MAML2: variants seen among roughly 807,000 people sequenced by gnomAD.
MAML2 encodes mastermind like transcriptional coactivator 2.
In MAML2, 22 loss-of-function variants were observed where a neutral mutation model predicts 96.1. The observed-to-expected ratio is 0.23, with a 90% CI of 0.16 to 0.33. The LOEUF (loss-of-function observed/expected upper bound fraction) is 0.33. Ranked by LOEUF, MAML2 falls within the 10% of genes least tolerant of loss-of-function variation. The pLI is 1.00. For synonymous variants in MAML2, 561 were observed against 521.3 expected, an observed-to-expected ratio of 1.08 and a Z score of -1.04; for missense variants, 1,367 against 1,392.4, an observed-to-expected ratio of 0.98 and a Z score of 0.29.
chr11:96,281,747 G>A (rs574691771), intron 1 of MAML2, among the ~76,000 whole-genome samples: 61 of 152,172 alleles, frequency 4.0e-4, no homozygotes, highest in African/African-American at 1.4e-3. Flanking sequence ...GCATGCACCT[G>A]TAATCCCAGC....
intron 2 of MAML2, among the ~76,000 whole-genome samples, chr11:96,026,568 G>A (rs1366389811): frequency 6.6e-6 from 1 of 152,118 alleles, no homozygotes; most frequent in Non-Finnish European, 1.5e-5. Context: ...GCAAGGGAGA[G>A]GGCTGTAAAT....
intron 2 of MAML2, among the ~76,000 whole-genome samples, chr11:96,037,188 T>TAA (rs200993531): frequency 3.7e-4 from 55 of 148,388 alleles, no homozygotes; most frequent in South Asian, 1.1e-3. Flanking sequence ...AAATAAAAAA[T>TAA]AAAAAAACAA....
At chr11:96,031,861 CTG>C (rs1858620870) in intron 2 of MAML2, among the ~76,000 whole-genome samples, 1 of 152,072 alleles carries the variant, frequency 6.6e-6, no homozygotes, top group South Asian at 2.1e-4. Context: ...TGGTGGACAC[CTG>C]TAGTCCCAGC....
intron 4 of MAML2, among the ~76,000 whole-genome samples, chr11:95,981,887 G>GGCCTGT: frequency 6.6e-6 from 1 of 152,272 alleles, no homozygotes; most frequent in Non-Finnish European, 1.5e-5. Context: ...GTATTTTAAT[G>GGCCTGT]ATATGGCCTG....
intron 1 of MAML2, among the ~76,000 whole-genome samples, chr11:96,110,852 T>C (rs1286560001): frequency 6.6e-6 from 1 of 152,226 alleles, no homozygotes; most frequent in Non-Finnish European, 1.5e-5. Context: ...CTATTTGATC[T>C]TGATAACCAA....
chr11:96,318,110 A>G (rs1292126310), intron 1 of MAML2, among the ~76,000 whole-genome samples: 1 of 152,218 alleles, frequency 6.6e-6, no homozygotes, highest in Non-Finnish European at 1.5e-5. Flanking sequence ...AACTTTTGGC[A>G]ATGAGTCAGT....
intron 1 of MAML2, among the ~76,000 whole-genome samples, chr11:96,292,516 C>A (rs146789509): frequency 1.3e-5 from 2 of 152,192 alleles, no homozygotes; most frequent in East Asian, 1.9e-4. Flanking sequence ...TCTTGCCCAA[C>A]CTTAAAATTA....
Position 95,979,846 on chromosome 11 carries a change from G to T in MAML2, c.2573C>A (p.Pro858Gln), listed in dbSNP as rs1222519467. 6.2e-7 allele frequency: 1 copy of T among 1,613,934 alleles called. No individual in the cohort carries two copies. Among genetic ancestry groups the T allele is most frequent in the Non-Finnish European group, 8.5e-7 (1 of 1,179,860 alleles). Residue 858 changes from proline (P) to glutamine (Q), a missense_variant, in exon 5 of 5, where the codon CCA (proline) becomes CAA (glutamine). Transcript: ENST00000524717. Reference protein sequence around the residue: ...LLSTSHGTRMPSLSTAVQNMG... With the variant: ...LLSTSHGTRMQSLSTAVQNMG... ...ATTCTGAACTGCTGTAGATAATGAT[G>T]GCATTCTTGTCCCGTGAGAAGTAGA...
chr11:96,178,197 G>T (rs1231885007), intron 1 of MAML2, among the ~76,000 whole-genome samples: 1 of 151,816 alleles, frequency 6.6e-6, no homozygotes, highest in East Asian at 1.9e-4. Context: ...GACATCCGTG[G>T]GTTTGTGCAA....
chr11:96,125,143 C>T (rs1354391206), intron 1 of MAML2, among the ~76,000 whole-genome samples: 2 of 151,954 alleles, frequency 1.3e-5, no homozygotes, highest in Non-Finnish European at 1.5e-5. Context: ...AATGAGTTGC[C>T]CTTGAATGAC....
chr11:96,112,586 GCCATCACAGAA>G (rs1860148090), intron 1 of MAML2, among the ~76,000 whole-genome samples: 1 of 152,228 alleles, frequency 6.6e-6, no homozygotes, highest in Admixed American at 6.5e-5. Context: ...GATATAAAAA[GCCATCACAGAA>G]CCAGAAGGAG....
intron 4 of MAML2, among the ~76,000 whole-genome samples, chr11:95,980,506 C>A (rs1398340910): frequency 1.3e-5 from 2 of 152,170 alleles, no homozygotes; most frequent in African/African-American, 2.4e-5. Flanking sequence ...AAGGGTAAAT[C>A]TCCATCTCTT....
At chr11:96,114,383 C>A (rs1355177644) in intron 1 of MAML2, among the ~76,000 whole-genome samples, 1 of 152,200 alleles carries the variant, frequency 6.6e-6, no homozygotes, top group Admixed American at 6.5e-5. Context: ...ATCGTTTGAT[C>A]CTAATCTCCT....
At chr11:96,243,198 C>T (rs775686955) in intron 1 of MAML2, among the ~76,000 whole-genome samples, 82 of 152,212 alleles carry the variant, frequency 5.4e-4, no homozygotes, top group Non-Finnish European at 9.6e-4. Context: ...CCTTGTCCTT[C>T]TCTCTTCCTT....
intron 1 of MAML2, among the ~76,000 whole-genome samples, chr11:96,133,122 A>G (rs941542538): frequency 6.6e-6 from 1 of 152,202 alleles, no homozygotes; most frequent in African/African-American, 2.4e-5. Flanking sequence ...GCCCTCAAGT[A>G]GGCTTTCCTG....
intron 1 of MAML2, among the ~76,000 whole-genome samples, chr11:96,177,346 C>A (rs1307025610): frequency 6.6e-6 from 1 of 152,184 alleles, no homozygotes; most frequent in Non-Finnish European, 1.5e-5. Flanking sequence ...GGGAACTGAA[C>A]TGCATCACAA....
intron 1 of MAML2, among the ~76,000 whole-genome samples, chr11:96,115,835 G>T (rs997181435): frequency 6.6e-6 from 1 of 152,188 alleles, no homozygotes. Context: ...CAGGTCCCAG[G>T]ATCTCAACTT....
intron 1 of MAML2, among the ~76,000 whole-genome samples, chr11:96,223,063 T>A (rs917405395): frequency 3.9e-5 from 6 of 152,214 alleles, no homozygotes; most frequent in Non-Finnish European, 8.8e-5. Context: ...ATTCAAATTG[T>A]GTGTACTTTA....
chr11:96,227,718 A>G (rs1298974922), intron 1 of MAML2, among the ~76,000 whole-genome samples: 1 of 152,214 alleles, frequency 6.6e-6, no homozygotes, highest in African/African-American at 2.4e-5. Flanking sequence ...AAAGGCATAC[A>G]ATGTGTTTTG....
Sources: gnomAD v4.1 joint callset for allele counts (sites outside exome capture counted in the v4.1 genomes callset) on GRCh38, gnomAD v4.1.1 for gene constraint, MANE v1.5 for transcripts, NCBI Gene and HGNC (gene_info 2026-07-23, HGNC 2026-07-21) for gene names.